PIK3C2B: variants seen among roughly 807,000 people sequenced by gnomAD.
PIK3C2B encodes the protein phosphatidylinositol-4-phosphate 3-kinase catalytic subunit type 2 beta.
In PIK3C2B, 83 loss-of-function variants were observed where a neutral mutation model predicts 184.3. The ratio of observed to expected loss-of-function variants is 0.45; its 90% confidence interval spans 0.38 to 0.54. The LOEUF (loss-of-function observed/expected upper bound fraction) is 0.54. PIK3C2B is among the 20% of genes least tolerant of loss of function. The pLI is 0.00. For missense variants in PIK3C2B, 1,736 were observed against 2,113.5 expected (o/e 0.82, Z 3.50); for synonymous variants, 779 against 837.6 (o/e 0.93, Z 1.21).
At chr1:204,442,422 C>T (rs150345464) in intron 20 of PIK3C2B, 104 bp downstream of exon 20, 144 of 717,614 alleles carry the variant, frequency 2.0e-4, no homozygotes, top group Non-Finnish European at 3.3e-4. Flanking sequence ...AACATACTGA[C>T]GCCCAGACAA....
chr1:204,462,824 C>T (rs544416140), intron 5 of PIK3C2B, among the ~76,000 whole-genome samples: 15 of 152,244 alleles, frequency 9.9e-5, no homozygotes, highest in African/African-American at 3.4e-4. Context: ...GAGGCCAAGG[C>T]GGGCAGATCA....
intron 1 of PIK3C2B, among the ~76,000 whole-genome samples, 187 bp downstream of exon 1, chr1:204,494,169 C>G (rs1018162146): frequency 6.6e-6 from 1 of 152,134 alleles, no homozygotes; most frequent in Non-Finnish European, 1.5e-5. Flanking sequence ...CTCTGCCCGG[C>G]GGGCAGGAGC....
chr1:204,451,775 C>T (rs16853712), intron 12 of PIK3C2B, among the ~76,000 whole-genome samples: 24,082 of 152,136 alleles, frequency 0.16, 2,332 homozygotes, highest in East Asian at 0.41. Context: ...TATTTTCATG[C>T]GCACGTATCC....
At chr1:204,484,151 G>A (rs1657403839) in intron 1 of PIK3C2B, among the ~76,000 whole-genome samples, 2 of 152,178 alleles carry the variant, frequency 1.3e-5, no homozygotes, top group Non-Finnish European at 2.9e-5. Context: ...ACATGCATAT[G>A]AGCATCACAG....
chr1:204,491,159 A>G (rs1657975024), intron 1 of PIK3C2B, among the ~76,000 whole-genome samples: 1 of 152,102 alleles, frequency 6.6e-6, no homozygotes, highest in African/African-American at 2.4e-5. Flanking sequence ...AGGCTGAGGC[A>G]GGTGGATCAC....
rs200682635 is a variant in PIK3C2B, at chr1:204,482,119, G to T, written c.-84-12233C>A. Among the ~76,000 whole-genome samples the T allele has an allele frequency of 7.8e-4, 19 of 24,336 alleles. No homozygotes were observed. In the East Asian group the frequency reaches 0.011, roughly 15 times the overall value. The allele number at this position is 24,336 out of a possible 152,430, so 16.0% of individuals were successfully genotyped here. On this transcript the variant is annotated intron_variant, in intron 1 of 32. Transcript: ENST00000684373. ...TGAGCCATGAAAAGACGGGGGGGGGGGGGGGGGTGCTCTCTAATGTTAGGC... is the reference window on the plus strand; with the variant it reads ...TGAGCCATGAAAAGACGGGGGGGGGTGGGGGGGTGCTCTCTAATGTTAGGC...
chr1:204,443,597 C>T lies in PIK3C2B; in HGVS notation c.2868G>A (p.Trp956Ter). ...AGTCCTTGAGGCCGTCCTTCAGTAACCTGCAAGGCAGAGGGAGTCAGGAGT... is the reference window on the plus strand; with the variant it reads ...AGTCCTTGAGGCCGTCCTTCAGTAATCTGCAAGGCAGAGGGAGTCAGGAGT... ...SDLRVTHYFF[W>*]LLKDGLKDSQ... The change falls in exon 19 of 33, where the codon TGG becomes TGA. Residue 956 changes from tryptophan (W) to a stop codon, truncating the protein, a stop_gained and splice_region_variant. Coordinates refer to ENST00000684373, the MANE Select transcript of PIK3C2B (RefSeq NM_001377334.1). LOFTEE classifies it high-confidence loss of function. 6.2e-7 allele frequency: 1 copy of T among 1,613,832 alleles called. No homozygotes were observed. Among genetic ancestry groups the T allele is most frequent in the Non-Finnish European group, 8.5e-7 (1 of 1,179,724 alleles).
In PIK3C2B at chr1:204,450,267, C is replaced by G. The variant is rs546589470; in HGVS notation, c.2067-250G>C. 74 of 414,960 alleles carry G rather than the reference C, an allele frequency of 1.8e-4. 1 individual carries two copies. The East Asian group carries it at 2.6e-3, about 14-fold the overall frequency. The allele number at this position is 414,960 out of a possible 1,614,324, so 25.7% of individuals were successfully genotyped here. ...TTTGCAGTAGAGTGAGGCGAACATC[C>G]CGATTTTGAAGCTACCCGTGGTGCC... is the stretch of plus-strand genomic sequence containing the variant. On this transcript the variant is annotated intron_variant, in intron 12 of 32. Coordinates refer to ENST00000684373, the MANE Select transcript of PIK3C2B (RefSeq NM_001377334.1).
chr1:204,484,208 T>C (rs1485114833), intron 1 of PIK3C2B, among the ~76,000 whole-genome samples: 2 of 152,208 alleles, frequency 1.3e-5, no homozygotes, highest in East Asian at 3.8e-4. Flanking sequence ...TCTGGTATTT[T>C]GTGCCAGGTA....
In PIK3C2B at chr1:204,431,633, A is replaced by G. The variant is rs369122170; in HGVS notation, c.4280+36T>C. On this transcript the variant is annotated intron_variant, in intron 28 of 32. Coordinates refer to ENST00000684373, the MANE Select transcript of PIK3C2B (RefSeq NM_001377334.1). Reference sequence around the variant, plus strand: ...ATCCCGTATCCTTTCCCCCTCCCCGACATCCCTCTGTGCAGATAGTAAAGG... The same window carrying G: ...ATCCCGTATCCTTTCCCCCTCCCCGGCATCCCTCTGTGCAGATAGTAAAGG... 64 of 1,612,954 alleles carry G rather than the reference A, an allele frequency of 4.0e-5. No individual in the cohort carries two copies. The African/African-American group carries it at 7.7e-4, about 19-fold the overall frequency.
intron 2 of PIK3C2B, 103 bp from the exon 3 acceptor site, chr1:204,465,422 T>C (rs1213269397): frequency 2.8e-6 from 2 of 714,468 alleles, no homozygotes; most frequent in South Asian, 3.3e-5. Flanking sequence ...AAAGACTTTC[T>C]AGTCACTCGA....
chr1:204,446,277 T>C, intron 15 of PIK3C2B, 133 bp from the exon 16 acceptor site: 1 of 505,644 alleles, frequency 2.0e-6, no homozygotes, highest in Non-Finnish European at 3.3e-6. Context: ...TTCCCAAGCT[T>C]TGCTGCATAT....
At chr1:204,429,870 C>T (rs1218534281) in intron 29 of PIK3C2B, 51 bp downstream of exon 29, 2 of 1,248,906 alleles carry the variant, frequency 1.6e-6, no homozygotes, top group Non-Finnish European at 2.3e-6. Flanking sequence ...TCTGCCTCCC[C>T]AACCATCCCC....
chr1:204,466,780 G>A (rs2103512433), intron 2 of PIK3C2B: 1 of 507,434 alleles, frequency 2.0e-6, no homozygotes. Flanking sequence ...CGTTTGCCCA[G>A]CTGGCAGGCC....
chr1:204,435,356 T>G (rs541098407), intron 23 of PIK3C2B: 1 of 152,250 alleles, frequency 6.6e-6, no homozygotes, highest in Admixed American at 6.5e-5. Context: ...CTACATGGAA[T>G]GAGGAAATAG....
intron 1 of PIK3C2B, among the ~76,000 whole-genome samples, chr1:204,492,538 C>A (rs551984614): frequency 6.6e-6 from 1 of 152,212 alleles, no homozygotes; most frequent in South Asian, 2.1e-4. Context: ...TGCAAAGCAC[C>A]AGGCACAGGA....
intron 2 of PIK3C2B, chr1:204,466,690 G>A: frequency 2.4e-6 from 1 of 419,550 alleles, no homozygotes; most frequent in East Asian, 6.1e-5. Flanking sequence ...GAGAGGGAGA[G>A]AACAGAGTGG....
At chr1:204,425,928 G>A (rs1174716241) in intron 31 of PIK3C2B, among the ~76,000 whole-genome samples, 187 bp from the exon 32 acceptor site, 2 of 152,054 alleles carry the variant, frequency 1.3e-5, no homozygotes, top group Non-Finnish European at 2.9e-5. Context: ...TGATAACATT[G>A]TGTCCTATTA....
At chr1:204,472,702 C>G (rs1003707398) in intron 1 of PIK3C2B, among the ~76,000 whole-genome samples, 1 of 152,092 alleles carries the variant, frequency 6.6e-6, no homozygotes, top group Non-Finnish European at 1.5e-5. Flanking sequence ...ATCACTTGAA[C>G]CCGGGAGGCG....
Sources: gnomAD v4.1 joint callset for allele counts (sites outside exome capture counted in the v4.1 genomes callset) on GRCh38, gnomAD v4.1.1 for gene constraint, MANE v1.5 for transcripts, NCBI Gene and HGNC (gene_info 2026-07-23, HGNC 2026-07-21) for gene names.